The following MYT1 variants were observed in gnomAD, a reference collection of about 807,000 sequenced individuals.
MYT1 encodes myelin transcription factor 1.
In MYT1, 23 loss-of-function variants were observed where a neutral mutation model predicts 123.0. The observed-to-expected ratio is 0.19, with a 90% CI of 0.13 to 0.26. The LOEUF is 0.26. Among genes scored for constraint, MYT1 ranks in the 10% least tolerant of loss-of-function variants. MYT1 has a pLI of 1.00. For missense variants in MYT1, 1,125 were observed against 1,472.5 expected (o/e 0.76, Z 3.86); for synonymous variants, 518 against 575.3 (o/e 0.90, Z 1.43).
intron 1 of MYT1, among the ~76,000 whole-genome samples, chr20:64,170,762 G>A (rs554167949): frequency 2.0e-5 from 3 of 147,962 alleles, no homozygotes; most frequent in East Asian, 2.0e-4. Context: ...TCGGTGAGCC[G>A]TGACCCAGCC....
chr20:64,226,384 G>A (rs928864595), intron 16 of MYT1, among the ~76,000 whole-genome samples: 2 of 152,164 alleles, frequency 1.3e-5, no homozygotes, highest in African/African-American at 2.4e-5. Context: ...CCCAGTGGCC[G>A]GATGTCACAT....
intron 4 of MYT1, 82 bp from the exon 5 acceptor site, chr20:64,204,953 C>T (rs1280060153): frequency 2.8e-6 from 4 of 1,405,112 alleles, no homozygotes; most frequent in African/African-American, 2.8e-5. Context: ...AGACATTCTG[C>T]TCCCCAGGGT....
intron 3 of MYT1, 108 bp downstream of exon 3, chr20:64,199,024 C>T: frequency 8.6e-7 from 1 of 1,163,746 alleles, no homozygotes; most frequent in Non-Finnish European, 1.2e-6. Context: ...GCCCTGGGGA[C>T]CTCAGGCCTC....
At chr20:64,233,060 G>A (rs1241753549) in intron 19 of MYT1, among the ~76,000 whole-genome samples, 1 of 150,318 alleles carries the variant, frequency 6.7e-6, no homozygotes, top group Non-Finnish European at 1.5e-5. Context: ...TGGGCCTAGG[G>A]CCAATGCTGA....
At position 64,223,511 on chromosome 20, in the gene MYT1, G is replaced by T. The variant is rs1984074744; in HGVS notation, c.2528+152G>T. 7.0e-6 allele frequency: 6 copies of T among 856,364 alleles called. No individual in the cohort carries two copies. In the South Asian group the frequency reaches 7.4e-5, roughly 11 times the overall value. 53.0% of individuals were successfully genotyped at this position (856,364 alleles called of 1,614,324 possible). ...AGATGGGCAGAGGGGCAGGGCCGTG[G>T]AGGGGCCGATTCTGCTTGGCTGGGG... On this transcript the variant is annotated intron_variant, in intron 16 of 22. Transcript: ENST00000328439.
At chr20:64,194,577 A>T (rs939637970) in intron 2 of MYT1, among the ~76,000 whole-genome samples, 2 of 152,096 alleles carry the variant, frequency 1.3e-5, no homozygotes, top group African/African-American at 2.4e-5. Flanking sequence ...TGCAGAAGGG[A>T]TGTGATGGGG....
At chr20:64,171,634 G>T (rs909968699) in intron 1 of MYT1, among the ~76,000 whole-genome samples, 32 of 149,558 alleles carry the variant, frequency 2.1e-4, no homozygotes, top group Non-Finnish European at 4.6e-4. Context: ...CTGGCATCTG[G>T]AGGAACCCAA....
chr20:64,238,601 G>A (rs949521633), intron 21 of MYT1, among the ~76,000 whole-genome samples: 5 of 124,530 alleles, frequency 4.0e-5, no homozygotes, highest in Admixed American at 2.3e-4. Flanking sequence ...AGGCAGTGAC[G>A]ACAGAGAAGG....
rs1158688854 is a variant in MYT1, at chr20:64,211,911, G to A, written c.1427-137G>A. The stretch of plus-strand genomic sequence containing the variant: ...GGGGCTGGAGCTGCCCTGCGTTGCT[G>A]TGTCCCCCACCTGCCTACCAAGCAG... On this transcript the variant is annotated intron_variant, in intron 8 of 22. Coordinates refer to ENST00000328439, the MANE Select transcript of MYT1 (RefSeq NM_004535.3). 5.6e-6 allele frequency: 4 copies of A among 713,170 alleles called. No homozygotes were observed. The Admixed American group carries it at 5.8e-5, about 10-fold the overall frequency. 44.2% of individuals were successfully genotyped at this position (713,170 alleles called of 1,614,324 possible). A position where few individuals can be genotyped will look rare whatever the true frequency, so the allele number is the denominator to read the frequency against.
At chr20:64,229,609 C>T (rs1369573597) in intron 18 of MYT1, among the ~76,000 whole-genome samples, 1 of 152,146 alleles carries the variant, frequency 6.6e-6, no homozygotes, top group African/African-American at 2.4e-5. Context: ...TTTAACTGCA[C>T]TTGTAATTGC....
intron 2 of MYT1, among the ~76,000 whole-genome samples, chr20:64,195,499 G>A (rs979548142): frequency 6.7e-6 from 1 of 149,248 alleles, no homozygotes; most frequent in African/African-American, 2.5e-5. Flanking sequence ...GGGTTCAAGT[G>A]ATCCTCCTGC....
chr20:64,224,546 G>A (rs974951625), intron 16 of MYT1, among the ~76,000 whole-genome samples: 14 of 152,156 alleles, frequency 9.2e-5, no homozygotes, highest in African/African-American at 3.4e-4. Flanking sequence ...TTCCTTCCTG[G>A]AAGTTAATAG....
intron 3 of MYT1, among the ~76,000 whole-genome samples, chr20:64,199,151 C>A (rs1983215176): frequency 1.3e-5 from 2 of 152,234 alleles, no homozygotes; most frequent in African/African-American, 4.8e-5. Flanking sequence ...GAGGTAGACC[C>A]AGCTCCATGG....
At chr20:64,211,917 C>T (rs1375649481) in intron 8 of MYT1, 131 bp from the exon 9 acceptor site, 1 of 739,642 alleles carries the variant, frequency 1.4e-6, no homozygotes, top group East Asian at 2.6e-5. Context: ...TGCTGTGTCC[C>T]CCACCTGCCT....
At position 64,186,396 on chromosome 20, in the gene MYT1, C is replaced by G. The variant is rs941402993; in HGVS notation, c.-98-3667C>G. Among the ~76,000 whole-genome samples, 2 of 152,222 alleles carry G rather than the reference C, an allele frequency of 1.3e-5. No homozygotes were observed. Among genetic ancestry groups the G allele is most frequent in the Admixed American group, 6.5e-5 (1 of 15,284 alleles). ...ATCCACGAGCAGGGATTCAGATTAACTCACTAGAAACTCAATAACCCAAGA... is the reference window on the plus strand; with the variant it reads ...ATCCACGAGCAGGGATTCAGATTAAGTCACTAGAAACTCAATAACCCAAGA... On this transcript the variant is annotated intron_variant, in intron 1 of 22. Coordinates refer to ENST00000328439, the MANE Select transcript of MYT1 (RefSeq NM_004535.3). The surrounding 1 kb of genome is among the most constrained non-coding windows in gnomAD (Gnocchi z 4.3).
At chr20:64,206,926 T>G (rs1378567034) in intron 6 of MYT1, among the ~76,000 whole-genome samples, 1 of 152,200 alleles carries the variant, frequency 6.6e-6, no homozygotes, top group African/African-American at 2.4e-5. Flanking sequence ...GTTTTTGTTT[T>G]GAGAGAGTCT....
At position 64,189,153 on chromosome 20, in the gene MYT1, G is replaced by T. The variant is rs750175895; in HGVS notation, c.-98-910G>T. ...ATTTGGGGATGCACATCAAAAACAC[G>T]AGGAAAAGAAAGAAAGTGGGTGGGA... On this transcript the variant is annotated intron_variant, in intron 1 of 22. Coordinates refer to ENST00000328439, the MANE Select transcript of MYT1 (RefSeq NM_004535.3). The surrounding 1 kb of genome is among the most constrained non-coding windows in gnomAD (Gnocchi z 5.5). Among the ~76,000 whole-genome samples the T allele has an allele frequency of 1.6e-4, 25 of 152,208 alleles. No homozygotes were observed. The highest frequency in any genetic ancestry group is 6.0e-4 in the African/African-American group (25 of 41,454).
chr20:64,214,767 C>A lies in MYT1; in HGVS notation c.1631+1120C>A, dbSNP rs574536474. On this transcript the variant is annotated intron_variant, in intron 10 of 22. Transcript: ENST00000328439. ...TGTAGGAGACCCCGGCTGGGGTGAG[C>A]GTGAATGACTGCATAGCCCCTTCCA... 4.4e-4 allele frequency among the ~76,000 whole-genome samples: 67 copies of A among 152,332 alleles called. 2 individuals are homozygous for A. In the South Asian group the frequency reaches 0.012, roughly 28 times the overall value.
chr20:64,208,244 G>C lies in MYT1; in HGVS notation c.1048G>C (p.Asp350His). 1 of 1,614,170 alleles carries C rather than the reference G, an allele frequency of 6.2e-7. No homozygotes were observed. The highest frequency in any genetic ancestry group is 8.5e-7 in the Non-Finnish European group (1 of 1,180,038). The change falls in exon 7 of 23, where the codon GAT becomes CAT. Residue 350 changes from aspartate to histidine, a missense_variant. Asp to His is a moderately conservative substitution (Grantham distance 81). This residue lies in a region of MYT1 where 429 missense variants were observed against 604.1 expected (regional missense o/e 0.71). Transcript: ENST00000328439. The surrounding 1 kb of genome is among the most constrained non-coding windows in gnomAD (Gnocchi z 5.4). ...YSVIVEVRSDDDKDEDTHSRK... is the reference protein window; with the variant it reads ...YSVIVEVRSDHDKDEDTHSRK... ...TGTTATTGTGGAGGTCCGCTCGGAT[G>C]ATGACAAGGACGAGGACACCCACTC...
Sources: gnomAD v4.1 joint callset for allele counts (sites outside exome capture counted in the v4.1 genomes callset) on GRCh38, gnomAD v4.1.1 for gene constraint, gnomAD v4.1.1 regional missense constraint, Gnocchi (gnomAD v3.1) non-coding constraint, MANE v1.5 for transcripts, NCBI Gene and HGNC (gene_info 2026-07-23, HGNC 2026-07-21) for gene names.